DNAAF9: variants seen among roughly 807,000 people sequenced by gnomAD.
DNAAF9 encodes shulin.
Under a neutral mutation model 167.0 loss-of-function variants are expected in DNAAF9, and 90 were observed. That is an observed-to-expected ratio of 0.54 (90% CI 0.45 to 0.64). The LOEUF (loss-of-function observed/expected upper bound fraction) is 0.64. DNAAF9 is among the 30% of genes least tolerant of loss of function. The probability of loss-of-function intolerance (pLI) is 0.00; values close to 1 mark genes in which losing one functional copy is unlikely to be tolerated. For missense variants in DNAAF9, 1,315 were observed against 1,442.2 expected, an observed-to-expected ratio of 0.91 and a Z score of 1.43; for synonymous variants, 491 against 508.8, an observed-to-expected ratio of 0.96 and a Z score of 0.47.
chr20:3,374,258 C>A, intron 5 of DNAAF9, 104 bp from the exon 6 acceptor site: 2 of 618,040 alleles, frequency 3.2e-6, no homozygotes, highest in South Asian at 2.8e-5. Context: ...CACGTGGTCA[C>A]CAGGGCCTCA....
chr20:3,317,012 A>G (rs1479810969), intron 17 of DNAAF9, among the ~76,000 whole-genome samples: 1 of 148,050 alleles, frequency 6.8e-6, no homozygotes, highest in Non-Finnish European at 1.5e-5. Context: ...CTCTTGACTC[A>G]TCCTCCCGAA....
intron 28 of DNAAF9, 131 bp from the exon 29 acceptor site, chr20:3,279,080 T>C (rs1315994478): frequency 1.4e-6 from 1 of 701,034 alleles, no homozygotes; most frequent in Non-Finnish European, 2.6e-6. Context: ...GCAGCAGCAC[T>C]GAGCACTAAG....
chr20:3,336,511 C>T (rs1366301139), intron 10 of DNAAF9, among the ~76,000 whole-genome samples: 1 of 151,624 alleles, frequency 6.6e-6, no homozygotes, highest in Non-Finnish European at 1.5e-5. Flanking sequence ...TTCTGTTTTG[C>T]CACTGAGCCC....
chr20:3,374,228 G>C, intron 5 of DNAAF9, 74 bp from the exon 6 acceptor site: 1 of 938,032 alleles, frequency 1.1e-6, no homozygotes, highest in South Asian at 1.6e-5. Flanking sequence ...ACCTAACATG[G>C]TTAGACAGGT....
intron 25 of DNAAF9, among the ~76,000 whole-genome samples, chr20:3,292,260 A>G (rs2068970023): frequency 6.6e-6 from 1 of 152,100 alleles, no homozygotes; most frequent in African/African-American, 2.4e-5. Context: ...TCGACCTCCC[A>G]AAGTGCTGGG....
intron 7 of DNAAF9, among the ~76,000 whole-genome samples, chr20:3,355,433 G>A (rs1228011518): frequency 6.6e-6 from 1 of 152,076 alleles, no homozygotes; most frequent in African/African-American, 2.4e-5. Context: ...AAATTAGCCA[G>A]GCATGGTGGC....
At chr20:3,319,618 T>C (rs545175578) in intron 16 of DNAAF9, among the ~76,000 whole-genome samples, 35 of 152,114 alleles carry the variant, frequency 2.3e-4, no homozygotes, top group Non-Finnish European at 3.4e-4. Flanking sequence ...CACTTTCACA[T>C]ATTGTCGTCC....
intron 6 of DNAAF9, among the ~76,000 whole-genome samples, chr20:3,364,093 C>A (rs962723378): frequency 6.6e-6 from 1 of 152,124 alleles, no homozygotes; most frequent in African/African-American, 2.4e-5. Context: ...CATGGCACTG[C>A]GCCCAGCTTT....
At position 3,376,289 on chromosome 20, in the gene DNAAF9, C is replaced by T. The variant is rs930423445; in HGVS notation, c.297G>A (p.Leu99=). The change falls in exon 4 of 37, where the codon TTG becomes TTA. Residue 99 remains leucine (L), a synonymous_variant. Transcript: ENST00000252032. ...ACAGATGGACGCTATCCGATTTAAT[C>T]AATATAATTACATCTGTAAGAAAAA... ...SEEVLDDVII[L]IKSDSVHLYC... is the part of the protein sequence containing the mutation. 1.2e-6 allele frequency: 2 copies of T among 1,607,814 alleles called. No individual in the cohort carries two copies. The highest frequency in any genetic ancestry group is 1.1e-5 in the South Asian group (1 of 89,570).
rs553122320 is a variant in DNAAF9, at chr20:3,267,081, ACCTCAGGTGATCTGCCTGCCTCGG to A, written c.2787-2581_2787-2558del. Among the ~76,000 whole-genome samples the A allele has an allele frequency of 3.6e-3, 540 of 150,068 alleles. 5 individuals carry two copies. Among genetic ancestry groups the A allele is most frequent in the African/African-American group, 0.013 (522 of 40,754 alleles). The stretch of plus-strand genomic sequence containing the variant: ...TGGTCAGGCTGATTTCGAACTCCCG[ACCTCAGGTGATCTGCCTGCCTCGG>A]CCTCCCAAAGTGCTGGGATTACAGG... On this transcript the variant is annotated intron_variant, in intron 30 of 36. Transcript: ENST00000252032.
intron 1 of DNAAF9, among the ~76,000 whole-genome samples, chr20:3,406,743 A>G (rs1249200611): frequency 6.6e-6 from 1 of 152,074 alleles, no homozygotes; most frequent in Non-Finnish European, 1.5e-5. Flanking sequence ...CGGAGGTTCT[A>G]GGCCTCTTTC....
intron 30 of DNAAF9, among the ~76,000 whole-genome samples, chr20:3,270,115 C>T (rs1219532402): frequency 4.0e-5 from 6 of 148,908 alleles, no homozygotes; most frequent in East Asian, 2.0e-4. Flanking sequence ...ATTACAGGCA[C>T]GAGCCATTGT....
intron 36 of DNAAF9, 47 bp downstream of exon 36, chr20:3,253,679 C>G (rs1304595943): frequency 8.7e-7 from 1 of 1,149,646 alleles, no homozygotes; most frequent in Non-Finnish European, 1.3e-6. Context: ...ACACTCCCAG[C>G]CTCACTGCCC....
intron 25 of DNAAF9, among the ~76,000 whole-genome samples, chr20:3,293,756 A>G (rs186926416): frequency 3.7e-4 from 57 of 152,174 alleles, no homozygotes. Context: ...CAAGGCCTGA[A>G]TAACATGGGT....
chr20:3,341,597 AAATCT>A (rs1220056932), intron 9 of DNAAF9, among the ~76,000 whole-genome samples: 1 of 152,096 alleles, frequency 6.6e-6, no homozygotes, highest in Non-Finnish European at 1.5e-5. Flanking sequence ...CTCCGCCTTC[AAATCT>A]AATTAACCTT....
intron 25 of DNAAF9, among the ~76,000 whole-genome samples, chr20:3,292,615 A>T (rs2068980895): frequency 6.6e-6 from 1 of 151,810 alleles, no homozygotes; most frequent in Non-Finnish European, 1.5e-5. Context: ...AAAATACAAA[A>T]ATTAGCTGGG....
At chr20:3,364,471 T>C (rs192476042) in intron 6 of DNAAF9, among the ~76,000 whole-genome samples, 1 of 152,166 alleles carries the variant, frequency 6.6e-6, no homozygotes, top group African/African-American at 2.4e-5. Flanking sequence ...CTAGGGTTGA[T>C]TTTTCCCTGC....
chr20:3,279,240 G>C (rs2068726471), intron 28 of DNAAF9, among the ~76,000 whole-genome samples: 1 of 152,200 alleles, frequency 6.6e-6, no homozygotes, highest in South Asian at 2.1e-4. Flanking sequence ...TGGAGAAAGA[G>C]CTGGTCTTTT....
At chr20:3,297,888 A>G (rs1043346523) in intron 22 of DNAAF9, 141 bp downstream of exon 22, 3 of 680,430 alleles carry the variant, frequency 4.4e-6, no homozygotes, top group Non-Finnish European at 5.2e-6. Context: ...AGGGATTAGA[A>G]GCAGTCACCC....
Sources: allele counts gnomAD v4.1 joint callset (sites outside exome capture counted in the v4.1 genomes callset), GRCh38; gene constraint gnomAD v4.1.1; transcripts MANE v1.5; gene names NCBI Gene and HGNC (gene_info 2026-07-23, HGNC 2026-07-21).